OTUD7A: variants seen among roughly 807,000 people sequenced by gnomAD.
The protein encoded by OTUD7A is OTU domain-containing protein 7A.
A neutral mutation model predicts 65.7 loss-of-function variants in OTUD7A; 12 were observed. The observed-to-expected ratio is 0.18, with a 90% confidence interval of 0.12 to 0.30. The LOEUF (loss-of-function observed/expected upper bound fraction) is 0.30, where lower values mean the gene tolerates loss of function less well. OTUD7A is among the 10% of genes least tolerant of loss of function. OTUD7A has a pLI of 1.00. For synonymous variants in OTUD7A, 641 were observed against 586.3 expected (o/e 1.09, Z -1.35); for missense variants, 1,148 against 1,304.8 (o/e 0.88, Z 1.85).
chr15:31,483,858 C>G lies in OTUD7A; in HGVS notation c.2238G>C (p.Ala746=), dbSNP rs2041181883. ...CTCCCCCCGGGGAGGCCGTGCCGCC[C>G]GCCGCCGCCCGCGCCGCACGCCCTG... ...PAAGRAARAA[A]GGTASPGGGA... Residue 746 remains alanine (A), a synonymous_variant, in exon 13 of 13, where the codon GCG becomes GCC. Transcript: ENST00000307050. 2.0e-6 allele frequency: 2 copies of G among 985,614 alleles called. No homozygotes were observed. Among genetic ancestry groups the G allele is most frequent in the African/African-American group, 3.5e-5 (2 of 56,498 alleles). The allele number at this position is 985,614 out of a possible 1,614,324, so 61.1% of individuals were successfully genotyped here. A position where few individuals can be genotyped will look rare whatever the true frequency, so the allele number is the denominator to read the frequency against.
chr15:31,759,177 C>T (rs1432032936), intron 1 of OTUD7A, among the ~76,000 whole-genome samples: 6 of 152,170 alleles, frequency 3.9e-5, no homozygotes, highest in Admixed American at 1.3e-4. Flanking sequence ...CAGCACTCCA[C>T]GCTCTCTTGT....
chr15:31,486,941 T>C (rs565170455), intron 12 of OTUD7A, among the ~76,000 whole-genome samples: 45 of 152,302 alleles, frequency 3.0e-4, no homozygotes, highest in African/African-American at 7.5e-4. Context: ...CATGCCTACA[T>C]GTGTGTACAC....
Position 31,499,231 on chromosome 15 carries a change from A to G in OTUD7A, c.1171+2459T>C, listed in dbSNP as rs148497606. Among the ~76,000 whole-genome samples the G allele has an allele frequency of 3.2e-3, 490 of 152,350 alleles. 3 individuals carry two copies. The highest frequency in any genetic ancestry group is 0.011 in the African/African-American group (453 of 41,578). ...TCTCAAAGCATCGTTCCGCAGGCAC[A>G]AGGATGCGGTGTCTGCTCTTCCTGG... On this transcript the variant is annotated intron_variant, in intron 10 of 12. Coordinates refer to ENST00000307050, the MANE Select transcript of OTUD7A (RefSeq NM_001382637.1).
Position 31,484,523 on chromosome 15 carries a change from C to T in OTUD7A, c.1573G>A (p.Gly525Ser). The T allele has an allele frequency of 6.2e-7, 1 of 1,610,840 alleles. No individual in the cohort carries two copies. Residue 525 changes from glycine (G) to serine (S), a missense_variant, in exon 13 of 13, where the codon GGC becomes AGC. Transcript: ENST00000307050. The surrounding 1 kb of genome is among the most constrained non-coding windows in gnomAD (Gnocchi z 4.5). ...TRADSVANKL[G>S]SFSKTLGIKL... ...ATGCCCAGCGTCTTGCTGAAGCTGC[C>T]CAGCTTGTTGGCCACGGAGTCGGCG...
intron 1 of OTUD7A, among the ~76,000 whole-genome samples, chr15:31,658,788 G>A (rs924612119): frequency 1.3e-5 from 2 of 151,836 alleles, no homozygotes; most frequent in African/African-American, 4.8e-5. Context: ...AGCACTTTGG[G>A]AGGCCGAGGC....
intron 1 of OTUD7A, among the ~76,000 whole-genome samples, chr15:31,793,524 A>G (rs1042211211): frequency 3.9e-5 from 6 of 152,190 alleles, no homozygotes; most frequent in Non-Finnish European, 5.9e-5. Flanking sequence ...GTCTCCTCCT[A>G]CAAACCAAAA....
chr15:31,499,797 C>T (rs1427899032), intron 10 of OTUD7A, among the ~76,000 whole-genome samples: 1 of 152,214 alleles, frequency 6.6e-6, no homozygotes, highest in Non-Finnish European at 1.5e-5. Context: ...AAGACCCACA[C>T]CACAGTGGCT....
At position 31,559,821 on chromosome 15, in the gene OTUD7A, C is replaced by T. The variant is rs571619815; in HGVS notation, c.332-634G>A. ...CATGCACAGACTATATGCATACACA[C>T]GTACACATACATGTGTGCACACACA... is the stretch of plus-strand genomic sequence containing the variant. On this transcript the variant is annotated intron_variant, in intron 4 of 12. Transcript: ENST00000307050. Among the ~76,000 whole-genome samples the T allele has an allele frequency of 2.8e-4, 43 of 152,290 alleles. No individual in the cohort carries two copies. The South Asian group carries it at 4.1e-3, about 15-fold the overall frequency.
rs147215575 is a variant in OTUD7A, at chr15:31,688,403, A to G, written c.-99-31326T>C. ...GGTCCAGATTGTGCAGCACTCCATA[A>G]AACAAGTGGCTCAGACTCTTCAAAG... On this transcript the variant is annotated intron_variant, in intron 1 of 12. Coordinates refer to ENST00000307050, the MANE Select transcript of OTUD7A (RefSeq NM_001382637.1). Among the ~76,000 whole-genome samples, 202 of 152,230 alleles carry G rather than the reference A, an allele frequency of 1.3e-3. 4 individuals carry two copies. In the East Asian group the frequency reaches 0.036, roughly 27 times the overall value.
chr15:31,487,382 C>T lies in OTUD7A; in HGVS notation c.1286+70G>A. 1 of 1,578,566 alleles carries T rather than the reference C, an allele frequency of 6.3e-7. No individual in the cohort carries two copies. The highest frequency in any genetic ancestry group is 8.7e-7 in the Non-Finnish European group (1 of 1,152,750). ...CCAGGAGGAGCAGGGGTGGTACATT[C>T]CCTCCCCAGGATGCCCCAGCCATAG... is the stretch of plus-strand genomic sequence containing the variant. On this transcript the variant is annotated intron_variant, in intron 11 of 12. Transcript: ENST00000307050. This position sits in a 1 kb window ranked among gnomAD's most constrained non-coding sequence, Gnocchi z 6.0.
At chr15:31,702,982 G>A (rs1472416431) in intron 1 of OTUD7A, among the ~76,000 whole-genome samples, 1 of 151,722 alleles carries the variant, frequency 6.6e-6, no homozygotes, top group African/African-American at 2.4e-5. Flanking sequence ...GAGGAAAGAT[G>A]GTCTTGGCAA....
chr15:31,491,143 C>G (rs985353254), intron 10 of OTUD7A, among the ~76,000 whole-genome samples: 2 of 151,230 alleles, frequency 1.3e-5, no homozygotes, highest in African/African-American at 4.9e-5. Context: ...AAAAAAAAAC[C>G]CAACACATTG....
At chr15:31,535,395 T>A (rs1464759278) in intron 5 of OTUD7A, among the ~76,000 whole-genome samples, 1 of 152,180 alleles carries the variant, frequency 6.6e-6, no homozygotes, top group East Asian at 1.9e-4. Context: ...GCCTCCCCAG[T>A]CATGCTGAAC....
intron 3 of OTUD7A, among the ~76,000 whole-genome samples, chr15:31,647,723 C>T (rs916552633): frequency 1.3e-5 from 2 of 151,988 alleles, no homozygotes; most frequent in African/African-American, 4.8e-5. Flanking sequence ...CTGCTCATCA[C>T]TGCACCTCAG....
chr15:31,623,568 C>T (rs1217407151), intron 3 of OTUD7A, among the ~76,000 whole-genome samples: 2 of 152,204 alleles, frequency 1.3e-5, no homozygotes, highest in East Asian at 1.9e-4. Flanking sequence ...CCGAGCCAGG[C>T]GTGGGATATA....
intron 3 of OTUD7A, among the ~76,000 whole-genome samples, chr15:31,588,432 C>T (rs1889613783): frequency 6.6e-6 from 1 of 152,118 alleles, no homozygotes; most frequent in Non-Finnish European, 1.5e-5. Flanking sequence ...CAGGGGGAGG[C>T]AACATGATGG....
At chr15:31,785,979 G>A (rs944819078) in intron 1 of OTUD7A, among the ~76,000 whole-genome samples, 1 of 152,278 alleles carries the variant, frequency 6.6e-6, no homozygotes, top group Admixed American at 6.5e-5. Context: ...AGAGCCCTCA[G>A]GAATGGATTA....
At position 31,484,124 on chromosome 15, in the gene OTUD7A, C is replaced by G. The variant is rs1198949919; in HGVS notation, c.1972G>C (p.Glu658Gln). 4 of 1,608,364 alleles carry G rather than the reference C, an allele frequency of 2.5e-6. No individual in the cohort carries two copies. In the Admixed American group the frequency reaches 6.7e-5, roughly 27 times the overall value. ...LLTSHRHQFH[E>Q]EMIGYYLTSA... The stretch of plus-strand genomic sequence containing the variant: ...GTCAGGTAGTAGCCGATCATCTCCT[C>G]GTGGAACTGGTGCCGGTGGCTGGTG... The change falls in exon 13 of 13, where the codon GAG becomes CAG. Residue 658 changes from glutamate to glutamine, a missense_variant. Around this residue, in one of 6 missense-constraint regions of OTUD7A, gnomAD observed 842 missense variants for 769.5 expected, o/e 1.09. Coordinates refer to ENST00000307050, the MANE Select transcript of OTUD7A (RefSeq NM_001382637.1). This position sits in a 1 kb window ranked among gnomAD's most constrained non-coding sequence, Gnocchi z 4.5.
Position 31,483,187 on chromosome 15 carries a change from G to A in OTUD7A, c.*107C>T. The stretch of plus-strand genomic sequence containing the variant: ...CAAACACGTACACGGCACTGACAGA[G>A]GAGGCGCCGGCCTTCCGGTGGACCA... On this transcript the variant is annotated 3_prime_UTR_variant, in exon 13 of 13. Coordinates refer to ENST00000307050, the MANE Select transcript of OTUD7A (RefSeq NM_001382637.1). 2 of 993,006 alleles carry A rather than the reference G, an allele frequency of 2.0e-6. No homozygotes were observed. The highest frequency in any genetic ancestry group is 2.4e-6 in the Non-Finnish European group (2 of 826,962). 61.5% of individuals were successfully genotyped at this position (993,006 alleles called of 1,614,324 possible). A position where few individuals can be genotyped will look rare whatever the true frequency, so the allele number is the denominator to read the frequency against.
Sources: allele counts gnomAD v4.1 joint callset (sites outside exome capture counted in the v4.1 genomes callset), GRCh38; gene constraint gnomAD v4.1.1; regional missense constraint gnomAD v4.1.1; non-coding constraint Gnocchi (gnomAD v3.1); transcripts MANE v1.5; gene names NCBI Gene and HGNC (gene_info 2026-07-23, HGNC 2026-07-21).